SYT1: variants seen among roughly 807,000 people sequenced by gnomAD.
SYT1 encodes synaptotagmin 1.
SYT1 carries 8 observed loss-of-function variants against 44.8 expected under a neutral mutation model. The observed-to-expected ratio is 0.18, with a 90% CI of 0.10 to 0.32. The LOEUF is 0.32. Ranked by LOEUF, SYT1 falls within the 10% of genes least tolerant of loss-of-function variation. SYT1 has a pLI of 1.00. For missense variants in SYT1, 286 were observed against 509.3 expected (o/e 0.56, Z 4.22); for synonymous variants, 154 against 188.8 (o/e 0.82, Z 1.51).
chr12:79,113,069 C>G (rs1164351326), intron 3 of SYT1, among the ~76,000 whole-genome samples: 4 of 152,098 alleles, frequency 2.6e-5, no homozygotes, highest in Non-Finnish European at 1.5e-5. Context: ...TCTATCAATT[C>G]CAAAATGTAT....
chr12:79,183,352 A>G (rs1428592031), intron 3 of SYT1, among the ~76,000 whole-genome samples: 1 of 152,050 alleles, frequency 6.6e-6, no homozygotes, highest in Non-Finnish European at 1.5e-5. Flanking sequence ...GAACTGGTTC[A>G]TCTTTGCCAG....
intron 8 of SYT1, among the ~76,000 whole-genome samples, chr12:79,308,262 C>T (rs1403357336): frequency 6.6e-6 from 1 of 152,110 alleles, no homozygotes; most frequent in Non-Finnish European, 1.5e-5. Flanking sequence ...CGGTGGCTCA[C>T]GCCTGTAATC....
intron 3 of SYT1, among the ~76,000 whole-genome samples, chr12:79,155,574 A>G (rs73357424): frequency 0.011 from 1,606 of 152,368 alleles, 32 homozygotes; most frequent in African/African-American, 0.036. Context: ...TGAGTAATTT[A>G]GTAGTGTCCT....
rs1565920019 is a variant in SYT1, at chr12:79,349,058, G to GAAAGAAAGAAAGAA, written c.811-4443_811-4442insAAGAAAGAAAGAAA. Reference sequence around the variant, plus strand: ...AAAAGAAAGAAAGAAAGAAAGAAAGGAGGGAGGGAGGGAGGGAGGGAAGGA... The same window carrying GAAAGAAAGAAAGAA: ...AAAAGAAAGAAAGAAAGAAAGAAAGGAAAGAAAGAAAGAAAGGGAGGGAGGGAGGGAGGGAAGGA... On this transcript the variant is annotated intron_variant, in intron 8 of 10. Coordinates refer to ENST00000261205, the MANE Select transcript of SYT1 (RefSeq NM_005639.3). Among the ~76,000 whole-genome samples the GAAAGAAAGAAAGAA allele has an allele frequency of 2.8e-3, 354 of 126,978 alleles. 3 individuals are homozygous for GAAAGAAAGAAAGAA. The highest frequency in any genetic ancestry group is 0.01 in the African/African-American group (329 of 31,652). The allele number at this position is 126,978 out of a possible 152,430, so 83.3% of individuals were successfully genotyped here.
At chr12:79,098,075 G>T (rs1422708833) in intron 3 of SYT1, among the ~76,000 whole-genome samples, 1 of 151,996 alleles carries the variant, frequency 6.6e-6, no homozygotes, top group Non-Finnish European at 1.5e-5. Flanking sequence ...ACCATTTAAT[G>T]AGTTTCTATG....
chr12:79,009,410 C>G (rs1390858457), intron 2 of SYT1, among the ~76,000 whole-genome samples: 1 of 152,118 alleles, frequency 6.6e-6, no homozygotes, highest in East Asian at 1.9e-4. Flanking sequence ...CTTCCCTGAC[C>G]TCAGAATAAT....
At chr12:79,049,750 C>T (rs1300168245) in intron 3 of SYT1, among the ~76,000 whole-genome samples, 1 of 151,986 alleles carries the variant, frequency 6.6e-6, no homozygotes, top group African/African-American at 2.4e-5. Context: ...GGAATCAAAA[C>T]TTTATAAATG....
At chr12:78,955,095 T>C (rs1879141950) in intron 1 of SYT1, among the ~76,000 whole-genome samples, 1 of 152,190 alleles carries the variant, frequency 6.6e-6, no homozygotes, top group South Asian at 2.1e-4. Context: ...TTTAAATTAT[T>C]TCTCCTATAA....
intron 1 of SYT1, among the ~76,000 whole-genome samples, chr12:78,866,504 G>C (rs930652422): frequency 3.9e-5 from 6 of 152,184 alleles, no homozygotes; most frequent in African/African-American, 1.4e-4. Context: ...CTGCATAATA[G>C]GTCAAGTAAA....
chr12:78,920,489 G>C (rs993634801), intron 1 of SYT1, among the ~76,000 whole-genome samples: 1 of 151,982 alleles, frequency 6.6e-6, no homozygotes, highest in Admixed American at 6.6e-5. Flanking sequence ...AAAAATTCAA[G>C]AAGCAATTTA....
chr12:79,173,512 G>T (rs1319739712), intron 3 of SYT1, among the ~76,000 whole-genome samples: 7 of 151,982 alleles, frequency 4.6e-5, no homozygotes, highest in Non-Finnish European at 1.0e-4. Context: ...CCCATCACTC[G>T]GTTGGAATAT....
intron 3 of SYT1, among the ~76,000 whole-genome samples, chr12:79,083,151 TATA>T (rs1877150712): frequency 6.6e-6 from 1 of 152,032 alleles, no homozygotes; most frequent in Non-Finnish European, 1.5e-5. Context: ...AGGAAAAAAT[TATA>T]ATGTCAATAA....
chr12:79,048,092 C>T (rs1406084704), intron 3 of SYT1, among the ~76,000 whole-genome samples: 1 of 151,772 alleles, frequency 6.6e-6, no homozygotes, highest in Non-Finnish European at 1.5e-5. Context: ...GTTGATGACC[C>T]ACGTTGTATC....
chr12:79,050,570 G>A (rs1038829001), intron 3 of SYT1, among the ~76,000 whole-genome samples: 2 of 152,032 alleles, frequency 1.3e-5, no homozygotes, highest in Non-Finnish European at 2.9e-5. Flanking sequence ...AGACATCCGT[G>A]TTAGAAACTC....
chr12:79,143,443 A>G (rs891358730), intron 3 of SYT1, among the ~76,000 whole-genome samples: 2 of 152,176 alleles, frequency 1.3e-5, no homozygotes, highest in African/African-American at 4.8e-5. Flanking sequence ...TAGAAGAAAA[A>G]AAGATTCAAT....
rs139265216 is a variant in SYT1 at position 79,390,222 on chromosome 12, C to G, written c.928+36603C>G. ...TGCTGGGATTACAGGCGTGAACCAC[C>G]GCGCCCGGCCTCCAATAATTCTTTA... On this transcript the variant is annotated intron_variant, in intron 9 of 10. Coordinates refer to ENST00000261205, the MANE Select transcript of SYT1 (RefSeq NM_005639.3). Among the ~76,000 whole-genome samples the G allele has an allele frequency of 7.8e-3, 1,188 of 152,186 alleles. 13 individuals are homozygous for G. The highest frequency in any genetic ancestry group is 0.027 in the African/African-American group (1,114 of 41,512).
At chr12:79,085,119 C>T (rs1877294727) in intron 3 of SYT1, among the ~76,000 whole-genome samples, 1 of 152,092 alleles carries the variant, frequency 6.6e-6, no homozygotes, top group African/African-American at 2.4e-5. Flanking sequence ...CTGTCTCAGC[C>T]ACCTATGTGG....
In SYT1 at chr12:79,361,638, T is replaced by C. The variant is rs566218389; in HGVS notation, c.928+8019T>C. On this transcript the variant is annotated intron_variant, in intron 9 of 10. Coordinates refer to ENST00000261205, the MANE Select transcript of SYT1 (RefSeq NM_005639.3). ...GTCCATAACACCAGACATTGAATAGTTATAGATGATTTTTATGCTGGAAAG... is the reference window on the plus strand; with the variant it reads ...GTCCATAACACCAGACATTGAATAGCTATAGATGATTTTTATGCTGGAAAG... Among the ~76,000 whole-genome samples, 140 of 152,274 alleles carry C rather than the reference T, an allele frequency of 9.2e-4. 1 individual carries two copies. Among genetic ancestry groups the C allele is most frequent in the South Asian group, 3.5e-3 (17 of 4,826 alleles).
chr12:79,182,929 A>G (rs1465761494), intron 3 of SYT1, among the ~76,000 whole-genome samples: 1 of 152,168 alleles, frequency 6.6e-6, no homozygotes, highest in Non-Finnish European at 1.5e-5. Flanking sequence ...TAATATTGTT[A>G]TAGCTTCATT....
Sources: allele counts gnomAD v4.1 joint callset (sites outside exome capture counted in the v4.1 genomes callset), GRCh38; gene constraint gnomAD v4.1.1; transcripts MANE v1.5; gene names NCBI Gene and HGNC (gene_info 2026-07-23, HGNC 2026-07-21).